Variants in SV2C observed in about 807,000 individuals in gnomAD.
SV2C encodes synaptic vesicle glycoprotein 2C.
Under a neutral mutation model 79.7 loss-of-function variants are expected in SV2C, and 49 were observed. That is an observed-to-expected ratio of 0.61 (90% CI 0.49 to 0.78). SV2C has a LOEUF of 0.78. Among genes scored for constraint, SV2C ranks in the 30% least tolerant of loss-of-function variants. SV2C has a pLI of 0.00. For missense variants in SV2C, 833 were observed against 912.9 expected (o/e 0.91, Z 1.13); for synonymous variants, 334 against 333.2 (o/e 1.00, Z -0.03).
the SV2C span, among the ~76,000 whole-genome samples, chr5:75,857,576 G>A: frequency 6.6e-6 from 1 of 152,040 alleles, no homozygotes; most frequent in African/African-American, 2.4e-5. Context: ...TGCTCAGGAT[G>A]GCTTTGGTTA....
At chr5:75,868,320 C>G in the SV2C span, among the ~76,000 whole-genome samples, 2 of 152,120 alleles carry the variant, frequency 1.3e-5, no homozygotes, top group Non-Finnish European at 2.9e-5. Context: ...ATGGCTTTTT[C>G]CCACTGACCA....
chr5:76,345,274 G>C (rs1434760328), intron 12 of SV2C, among the ~76,000 whole-genome samples: 1 of 152,158 alleles, frequency 6.6e-6, no homozygotes, highest in African/African-American at 2.4e-5. Flanking sequence ...CTCTCCAAAC[G>C]GCAAATAAGC....
downstream of SV2C, among the ~76,000 whole-genome samples, chr5:76,338,938 G>A (rs1749383934): frequency 6.6e-6 from 1 of 151,986 alleles, no homozygotes; most frequent in East Asian, 1.9e-4. Context: ...TGACAGGTGT[G>A]AGCCACCGCT....
At chr5:76,315,239 GAC>G (rs1748580664) in intron 12 of SV2C, among the ~76,000 whole-genome samples, 1 of 151,452 alleles carries the variant, frequency 6.6e-6, no homozygotes, top group African/African-American at 2.4e-5. Context: ...ACTAGGGTAA[GAC>G]AGATTTTTAT....
the SV2C span, among the ~76,000 whole-genome samples, chr5:75,978,434 C>T: frequency 1.8e-4 from 27 of 152,124 alleles, no homozygotes; most frequent in African/African-American, 6.5e-4. Context: ...CTTCTGTAGT[C>T]TAATCACTCT....
At chr5:75,936,663 A>G in the SV2C span, among the ~76,000 whole-genome samples, 1 of 152,354 alleles carries the variant, frequency 6.6e-6, no homozygotes, top group South Asian at 2.1e-4. Context: ...ATGAACAAAG[A>G]AAAGGGATAG....
the SV2C span, among the ~76,000 whole-genome samples, chr5:75,970,113 C>G: frequency 6.6e-6 from 1 of 152,046 alleles, no homozygotes; most frequent in Non-Finnish European, 1.5e-5. Context: ...TAAAGATGTT[C>G]TTTGAAACCA....
At chr5:75,965,040 T>C in the SV2C span, among the ~76,000 whole-genome samples, 10 of 152,186 alleles carry the variant, frequency 6.6e-5, no homozygotes, top group Non-Finnish European at 1.2e-4. Flanking sequence ...TTTTTTATAT[T>C]TAAGATGATA....
At chr5:76,011,197 C>T in the SV2C span, among the ~76,000 whole-genome samples, 2 of 152,058 alleles carry the variant, frequency 1.3e-5, no homozygotes, top group Non-Finnish European at 2.9e-5. Flanking sequence ...GAGACTCTGG[C>T]TTCTATATGT....
intron 12 of SV2C, among the ~76,000 whole-genome samples, chr5:76,320,739 T>G (rs1003593858): frequency 2.6e-5 from 4 of 152,164 alleles, no homozygotes; most frequent in Admixed American, 2.6e-4. Flanking sequence ...TAGTTATCAG[T>G]ATATTAAATC....
intron 4 of SV2C, among the ~76,000 whole-genome samples, chr5:76,213,326 T>C (rs1447834277): frequency 6.6e-6 from 1 of 152,254 alleles, no homozygotes; most frequent in Non-Finnish European, 1.5e-5. Flanking sequence ...TAAAATCCTG[T>C]GCTGAGGCTT....
At chr5:76,251,852 C>A (rs1746126397) in intron 4 of SV2C, among the ~76,000 whole-genome samples, 2 of 152,146 alleles carry the variant, frequency 1.3e-5, no homozygotes, top group Admixed American at 1.3e-4. Flanking sequence ...ACCACTTAAT[C>A]ATTAATTTAA....
the SV2C span, among the ~76,000 whole-genome samples, chr5:75,918,402 C>T: frequency 2.6e-5 from 4 of 152,146 alleles, no homozygotes; most frequent in East Asian, 1.9e-4. Context: ...TAGTTGCATA[C>T]GTATTTTTAT....
At chr5:76,180,639 G>T (rs904446995) in intron 2 of SV2C, among the ~76,000 whole-genome samples, 2 of 152,006 alleles carry the variant, frequency 1.3e-5, no homozygotes, top group African/African-American at 4.8e-5. Context: ...TCCTCTCACT[G>T]CCCCCTCTGC....
intron 12 of SV2C, among the ~76,000 whole-genome samples, chr5:76,315,188 GCACACACACACA>G (rs10606819): frequency 5.5e-5 from 8 of 145,094 alleles, no homozygotes; most frequent in Admixed American, 1.4e-4. Context: ...ATGGCCAGGC[GCACACACACACA>G]CACACACACA....
rs10593541 is a variant in SV2C at position 76,211,463 on chromosome 5, C to CGT, written c.913+1611_913+1612dup. The stretch of plus-strand genomic sequence containing the variant: ...AAAGGGGAGAGAAGTGTTCTGGTTG[C>CGT]GTGTGTGTGTGTGTGTGTGTGTGTG... On this transcript the variant is annotated intron_variant, in intron 4 of 12. Transcript: ENST00000502798. Among the ~76,000 whole-genome samples, 1,006 of 149,578 alleles carry CGT rather than the reference C, an allele frequency of 6.7e-3. 7 individuals are homozygous for CGT. The highest frequency in any genetic ancestry group is 0.026 in the South Asian group (122 of 4,702).
the SV2C span, among the ~76,000 whole-genome samples, chr5:76,048,965 G>GAGAAAAGAA: frequency 3.4e-5 from 2 of 58,164 alleles, no homozygotes; most frequent in Non-Finnish European, 6.3e-5. Flanking sequence ...GAAAGAAAAA[G>GAGAAAAGAA]AGAAAGAAAG....
At chr5:76,121,334 T>C (rs1481867477) in intron 1 of SV2C, among the ~76,000 whole-genome samples, 37 of 152,092 alleles carry the variant, frequency 2.4e-4, no homozygotes, top group Admixed American at 2.4e-3. Context: ...TTCATTCTGA[T>C]GGTAGTTTCT....
the SV2C span, among the ~76,000 whole-genome samples, chr5:76,015,040 C>A: frequency 6.6e-6 from 1 of 152,192 alleles, no homozygotes; most frequent in East Asian, 1.9e-4. Context: ...TTCCAGTTTC[C>A]CTTGTAGTTA....
Sources: gnomAD v4.1 joint callset for allele counts (sites outside exome capture counted in the v4.1 genomes callset) on GRCh38, gnomAD v4.1.1 for gene constraint, MANE v1.5 for transcripts, NCBI Gene and HGNC (gene_info 2026-07-23, HGNC 2026-07-21) for gene names.